HMBOX1: variants seen among roughly 807,000 people sequenced by gnomAD.
The protein encoded by HMBOX1 is homeobox containing 1.
HMBOX1 carries 14 observed loss-of-function variants against 54.5 expected under a neutral mutation model. The observed-to-expected ratio is 0.26, with a 90% CI of 0.17 to 0.40. The LOEUF is 0.40. HMBOX1 is among the 10% of genes least tolerant of loss of function. HMBOX1 has a pLI of 1.00. For synonymous variants in HMBOX1, 160 were observed against 181.0 expected (o/e 0.88, Z 0.93); for missense variants, 332 against 514.4 (o/e 0.65, Z 3.43).
intron 1 of HMBOX1, among the ~76,000 whole-genome samples, chr8:28,958,975 C>A (rs1824980534): frequency 6.6e-6 from 1 of 152,064 alleles, no homozygotes. Flanking sequence ...ATACAATGGA[C>A]CCCCCTTATC....
intron 5 of HMBOX1, among the ~76,000 whole-genome samples, chr8:29,011,543 A>G (rs1475676790): frequency 6.6e-6 from 1 of 152,102 alleles, no homozygotes; most frequent in East Asian, 1.9e-4. Flanking sequence ...CCCGCACTGG[A>G]GTTTCGGGGC....
intron 1 of HMBOX1, among the ~76,000 whole-genome samples, chr8:28,903,935 T>G (rs971054614): frequency 3.9e-5 from 6 of 152,218 alleles, no homozygotes; most frequent in Admixed American, 6.5e-5. Flanking sequence ...GCTATTGCCA[T>G]GTAGTGGGTA....
At chr8:28,978,372 ATTG>A (rs1828781667) in intron 3 of HMBOX1, among the ~76,000 whole-genome samples, 3 of 152,200 alleles carry the variant, frequency 2.0e-5, no homozygotes, top group Non-Finnish European at 4.4e-5. Context: ...TCACAAAACA[ATTG>A]TTAAGGTTTT....
intron 1 of HMBOX1, among the ~76,000 whole-genome samples, chr8:28,904,583 T>A (rs1368810614): frequency 6.6e-6 from 1 of 152,134 alleles, no homozygotes; most frequent in Non-Finnish European, 1.5e-5. Flanking sequence ...TTCAATAGCA[T>A]TCTTATTTTT....
intron 4 of HMBOX1, among the ~76,000 whole-genome samples, chr8:28,987,397 A>G (rs1463674078): frequency 1.3e-5 from 2 of 152,320 alleles, no homozygotes; most frequent in East Asian, 1.9e-4. Context: ...GGAATAAATG[A>G]CAAAAAGAGG....
chr8:29,014,650 C>T (rs1030875053), intron 5 of HMBOX1, among the ~76,000 whole-genome samples: 2 of 152,084 alleles, frequency 1.3e-5, no homozygotes, highest in African/African-American at 4.8e-5. Context: ...ATTCATTTTT[C>T]ACCTTCTGTG....
At chr8:29,029,268 C>T (rs1251796899) in intron 6 of HMBOX1, among the ~76,000 whole-genome samples, 2 of 152,112 alleles carry the variant, frequency 1.3e-5, no homozygotes, top group African/African-American at 4.8e-5. Flanking sequence ...ATCACTTATG[C>T]AGAAATCTAT....
chr8:28,973,812 T>TTTTG (rs1222631274), intron 3 of HMBOX1, among the ~76,000 whole-genome samples: 1,063 of 26,050 alleles, frequency 0.041, 31 homozygotes, highest in Non-Finnish European at 0.071. Context: ...AGTTTTTTTT[T>TTTTG]TTTTTTTTTT....
At chr8:28,987,184 T>C (rs1228124428) in intron 4 of HMBOX1, among the ~76,000 whole-genome samples, 1 of 152,162 alleles carries the variant, frequency 6.6e-6, no homozygotes, top group African/African-American at 2.4e-5. Flanking sequence ...GCCCTGACAA[T>C]GACTTGTAAA....
intron 1 of HMBOX1, among the ~76,000 whole-genome samples, chr8:28,901,570 G>A (rs985486164): frequency 1.3e-5 from 2 of 152,098 alleles, no homozygotes; most frequent in Non-Finnish European, 2.9e-5. Flanking sequence ...TGAGATGATT[G>A]CAGCAGTAAA....
intron 1 of HMBOX1, among the ~76,000 whole-genome samples, chr8:28,921,534 CCA>C (rs1312722395): frequency 6.6e-6 from 1 of 152,050 alleles, no homozygotes; most frequent in Non-Finnish European, 1.5e-5. Context: ...ACCAATAATA[CCA>C]CAAAGTATTA....
At chr8:29,044,457 C>T (rs936176365) in intron 6 of HMBOX1, among the ~76,000 whole-genome samples, 10 of 152,018 alleles carry the variant, frequency 6.6e-5, no homozygotes, top group African/African-American at 2.4e-4. Flanking sequence ...AGGATGGGTT[C>T]AGTAAATTTA....
At chr8:28,944,898 G>A (rs1024305878) in intron 1 of HMBOX1, among the ~76,000 whole-genome samples, 7 of 152,138 alleles carry the variant, frequency 4.6e-5, no homozygotes, top group African/African-American at 1.7e-4. Flanking sequence ...ATGAGTCCCT[G>A]CAGTTGCTGG....
At position 28,970,695 on chromosome 8, in the gene HMBOX1, T is replaced by C. The variant is rs1411116690; in HGVS notation, c.500+176T>C. 8 of 510,604 alleles carry C rather than the reference T, an allele frequency of 1.6e-5. No individual in the cohort carries two copies. The highest frequency in any genetic ancestry group is 2.4e-5 in the Non-Finnish European group (7 of 292,554). The allele number at this position is 510,604 out of a possible 1,614,324, so 31.6% of individuals were successfully genotyped here. The stretch of plus-strand genomic sequence containing the variant: ...TGAAAGAAAGAAAGTTCAAGCTTTA[T>C]GTTTTTAATTTAAATTTTCTCTTCT... On this transcript the variant is annotated intron_variant, in intron 3 of 9. Coordinates refer to ENST00000287701, the MANE Select transcript of HMBOX1 (RefSeq NM_001135726.3). This position sits in a 1 kb window ranked among gnomAD's most constrained non-coding sequence, Gnocchi z 4.3.
intron 4 of HMBOX1, among the ~76,000 whole-genome samples, chr8:28,999,340 A>G (rs1385939642): frequency 6.6e-6 from 1 of 152,154 alleles, no homozygotes; most frequent in Non-Finnish European, 1.5e-5. Flanking sequence ...TTGGTTTTCA[A>G]CAATTTATGA....
chr8:28,931,228 A>G (rs754004609), intron 1 of HMBOX1, among the ~76,000 whole-genome samples: 12 of 152,220 alleles, frequency 7.9e-5, no homozygotes, highest in Non-Finnish European at 4.4e-5. Context: ...TTGAAAAATA[A>G]CAAGTGTAGA....
At chr8:29,047,786 C>T (rs1261024581) in intron 8 of HMBOX1, among the ~76,000 whole-genome samples, 1 of 151,964 alleles carries the variant, frequency 6.6e-6, no homozygotes, top group African/African-American at 2.4e-5. Context: ...AGGCTGGTCT[C>T]GAACTCCCGA....
At position 28,973,818 on chromosome 8, in the gene HMBOX1, T is replaced by TG. The variant is rs1827901036; in HGVS notation, c.500+3299_500+3300insG. On this transcript the variant is annotated intron_variant, in intron 3 of 9. Transcript: ENST00000287701. ...ACATAATGGAGTTTTTTTTTTTTTT[T>TG]TTTTTTTTTTTTTTTTGAGACAGTC... Among the ~76,000 whole-genome samples the TG allele has an allele frequency of 5.4e-5, 7 of 128,794 alleles. 1 individual carries two copies. Among genetic ancestry groups the TG allele is most frequent in the African/African-American group, 2.3e-4 (7 of 29,972 alleles). The allele number at this position is 128,794 out of a possible 152,430, so 84.5% of individuals were successfully genotyped here. A position where few individuals can be genotyped will look rare whatever the true frequency, so the allele number is the denominator to read the frequency against.
At chr8:28,968,890 A>C (rs1162972353) in intron 2 of HMBOX1, among the ~76,000 whole-genome samples, 2 of 152,094 alleles carry the variant, frequency 1.3e-5, no homozygotes, top group Non-Finnish European at 2.9e-5. Context: ...AAAGGAATTC[A>C]AGGCCGAGCA....
Sources: allele counts gnomAD v4.1 joint callset (sites outside exome capture counted in the v4.1 genomes callset), GRCh38; gene constraint gnomAD v4.1.1; non-coding constraint Gnocchi (gnomAD v3.1); transcripts MANE v1.5; gene names NCBI Gene and HGNC (gene_info 2026-07-23, HGNC 2026-07-21).